Variants in SLC12A7 observed in about 807,000 individuals in gnomAD.
The protein encoded by SLC12A7 is solute carrier family 12 member 7.
Under a neutral mutation model 120.6 loss-of-function variants are expected in SLC12A7, and 100 were observed. The observed-to-expected ratio is 0.83, with a 90% CI of 0.71 to 0.98. The LOEUF (loss-of-function observed/expected upper bound fraction) is 0.98. SLC12A7 is among the 50% of genes least tolerant of loss of function. The pLI, the probability that SLC12A7 is intolerant of heterozygous loss-of-function variation, is 0.00. For synonymous variants in SLC12A7, 760 were observed against 678.0 expected (o/e 1.12, Z -1.88); for missense variants, 1,373 against 1,548.1 (o/e 0.89, Z 1.90).
Position 1,052,404 on chromosome 5 carries a change from G to A in SLC12A7, c.3208C>T (p.Leu1070=). ...VLTEGLNRVL[L]VRGGGREVIT... Reference sequence around the variant, plus strand: ...ACCTCCCGGCCGCCACCCCTGACCAGGAGGACTCTGTTCAGCCCCTCGGTC... The same window carrying A: ...ACCTCCCGGCCGCCACCCCTGACCAAGAGGACTCTGTTCAGCCCCTCGGTC... Residue 1070 remains leucine (L), a synonymous_variant, in exon 24 of 24, where the codon CTG becomes TTG. Transcript: ENST00000264930. The A allele has an allele frequency of 6.2e-7, 1 of 1,612,940 alleles. No homozygotes were observed. Among genetic ancestry groups the A allele is most frequent in the East Asian group, 2.2e-5 (1 of 44,888 alleles).
the SLC12A7 span, among the ~76,000 whole-genome samples, chr5:1,135,505 C>T: frequency 6.6e-6 from 1 of 152,214 alleles, no homozygotes; most frequent in Non-Finnish European, 1.5e-5. Flanking sequence ...AGCCCTGCTG[C>T]CCCGGGATCC....
intron 21 of SLC12A7, among the ~76,000 whole-genome samples, chr5:1,058,299 T>G (rs1735839363): frequency 6.6e-6 from 1 of 152,258 alleles, no homozygotes; most frequent in Non-Finnish European, 1.5e-5. Flanking sequence ...GCGCAGCCCC[T>G]GGTGGTTAAA....
At position 1,089,008 on chromosome 5, in the gene SLC12A7, G is replaced by A. The variant is rs1236242257; in HGVS notation, c.463C>T (p.Leu155Phe). ...CATGTGCAGCACATGGCCACGATGA[G>A]GAAGGACTCCAGGACACCAGCCACC... ...VGVAGVLESF[L>F]IVAMCCTCTM... Residue 155 changes from leucine to phenylalanine, a missense_variant, in exon 4 of 24, where the codon CTC becomes TTC. Transcript: ENST00000264930. 5 of 1,612,984 alleles carry A rather than the reference G, an allele frequency of 3.1e-6. No homozygotes were observed. Among genetic ancestry groups the A allele is most frequent in the Non-Finnish European group, 4.2e-6 (5 of 1,179,974 alleles).
intron 1 of SLC12A7, among the ~76,000 whole-genome samples, chr5:1,104,790 G>C (rs1413903462): frequency 6.6e-6 from 1 of 152,208 alleles, no homozygotes; most frequent in Non-Finnish European, 1.5e-5. Flanking sequence ...CCCCACAACT[G>C]TTTCCTCAAA....
chr5:1,101,380 C>T (rs1291642906), intron 1 of SLC12A7, among the ~76,000 whole-genome samples: 2 of 152,158 alleles, frequency 1.3e-5, no homozygotes, highest in South Asian at 2.1e-4. Context: ...CAGACGTGCC[C>T]GGGACTGACA....
At chr5:1,111,224 C>T (rs1742974720) in intron 1 of SLC12A7, among the ~76,000 whole-genome samples, 1 of 152,134 alleles carries the variant, frequency 6.6e-6, no homozygotes. Context: ...GGGATTCTCT[C>T]CCCAGCCCCG....
chr5:1,088,494 GGA>G, intron 4 of SLC12A7, 134 bp from the exon 5 acceptor site: 1 of 937,320 alleles, frequency 1.1e-6, no homozygotes, highest in African/African-American at 1.6e-5. Flanking sequence ...CCATCTCAAT[GGA>G]GTGGCTAGGA....
the SLC12A7 span, among the ~76,000 whole-genome samples, chr5:1,153,542 G>A: frequency 6.6e-6 from 1 of 152,146 alleles, no homozygotes; most frequent in Non-Finnish European, 1.5e-5. Context: ...GGGTCGGCCC[G>A]ACTCAGGACC....
At chr5:1,136,027 G>A in the SLC12A7 span, among the ~76,000 whole-genome samples, 4 of 152,118 alleles carry the variant, frequency 2.6e-5, no homozygotes, top group African/African-American at 7.2e-5. Flanking sequence ...CAGAGGACAC[G>A]GATGCACATT....
At chr5:1,147,923 C>T in the SLC12A7 span, among the ~76,000 whole-genome samples, 13 of 151,660 alleles carry the variant, frequency 8.6e-5, no homozygotes, top group African/African-American at 1.7e-4. Flanking sequence ...TTTGTAGAGA[C>T]GGGATCTTGC....
intron 21 of SLC12A7, among the ~76,000 whole-genome samples, chr5:1,058,493 G>A (rs1265131966): frequency 3.9e-5 from 6 of 152,238 alleles, no homozygotes; most frequent in East Asian, 1.9e-4. Flanking sequence ...AGTTTGTGAC[G>A]CAGCCCGGGG....
chr5:1,088,942 C>T lies in SLC12A7; in HGVS notation c.489+40G>A, dbSNP rs556100138. 3.7e-5 allele frequency: 59 copies of T among 1,610,818 alleles called. 1 individual carries two copies. In the South Asian group the frequency reaches 4.5e-4, roughly 12 times the overall value. ...GAGAGCCCTACTGTCCAGCTGCCAC[C>T]GCCCGAAGGCACAGCCACACCTGGC... On this transcript the variant is annotated intron_variant, in intron 4 of 23. Transcript: ENST00000264930.
intron 21 of SLC12A7, 103 bp downstream of exon 21, chr5:1,060,241 C>A: frequency 1.2e-6 from 1 of 861,940 alleles, no homozygotes. Context: ...GGCATGCTCT[C>A]TGGAGGACCC....
chr5:1,111,896 C>T lies in SLC12A7; in HGVS notation c.96G>A (p.Glu32=). The T allele has an allele frequency of 8.1e-7, 1 of 1,239,732 alleles. No individual in the cohort carries two copies. The highest frequency in any genetic ancestry group is 1.0e-6 in the Non-Finnish European group (1 of 990,068). The allele number at this position is 1,239,732 out of a possible 1,614,324, so 76.8% of individuals were successfully genotyped here. A position where few individuals can be genotyped will look rare whatever the true frequency, so the allele number is the denominator to read the frequency against. The change falls in exon 1 of 24, where the codon GAG becomes GAA. Residue 32 remains glutamate, a synonymous_variant. Coordinates refer to ENST00000264930, the MANE Select transcript of SLC12A7 (RefSeq NM_006598.3). ...AERTEAPGTP[E]GPEPERPSPG... is the part of the protein sequence containing the mutation. ...GGCTGGGGCGCTCGGGCTCGGGGCC[C>T]TCGGGGGTGCCCGGAGCCTCCGTCC...
At position 1,077,974 on chromosome 5, in the gene SLC12A7, G is replaced by A. The variant is rs201418460; in HGVS notation, c.1488C>T (p.Ile496=). 773 of 1,590,742 alleles carry A rather than the reference G, an allele frequency of 4.9e-4. 16 individuals are homozygous for A. The East Asian group carries it at 9.7e-3, about 20-fold the overall frequency. The change falls in exon 12 of 24, where the codon ATC becomes ATT. Residue 496 remains isoleucine, a synonymous_variant. Transcript: ENST00000264930. ...FGEALQGNLV[I]GMLAWPSPWV... The stretch of plus-strand genomic sequence containing the variant: ...AGGGGGAGGGCCAGGCCAGCATGCC[G>A]ATGACCAGGTTCCCCTGCAGGGCCT...
chr5:1,116,727 C>T (rs1465469354), upstream of SLC12A7, among the ~76,000 whole-genome samples: 5 of 152,184 alleles, frequency 3.3e-5, no homozygotes, highest in Non-Finnish European at 7.3e-5. Context: ...CACGGACGCC[C>T]GTGAGTTGCA....
chr5:1,129,906 C>A, the SLC12A7 span, among the ~76,000 whole-genome samples: 1 of 152,134 alleles, frequency 6.6e-6, no homozygotes, highest in Non-Finnish European at 1.5e-5. Context: ...GTGTCCTGGG[C>A]GTGAAGCCAT....
At chr5:1,098,112 C>A (rs1741498232) in intron 1 of SLC12A7, among the ~76,000 whole-genome samples, 1 of 137,606 alleles carries the variant, frequency 7.3e-6, no homozygotes, top group African/African-American at 2.9e-5. Context: ...CACACCCAGC[C>A]CCCCTCTAAC....
At chr5:1,132,677 C>A in the SLC12A7 span, among the ~76,000 whole-genome samples, 94 of 152,306 alleles carry the variant, frequency 6.2e-4, no homozygotes, top group East Asian at 0.015. Context: ...CTGAGATCAT[C>A]CTAATGTCCC....
Sources: allele counts gnomAD v4.1 joint callset (sites outside exome capture counted in the v4.1 genomes callset), GRCh38; gene constraint gnomAD v4.1.1; transcripts MANE v1.5; gene names NCBI Gene and HGNC (gene_info 2026-07-23, HGNC 2026-07-21).